Variants in CFAP299 observed in about 807,000 individuals in gnomAD.
The protein encoded by CFAP299 is cilia- and flagella-associated protein 299.
CFAP299 carries 21 observed loss-of-function variants against 27.0 expected under a neutral mutation model. The observed-to-expected ratio is 0.78, with a 90% CI of 0.55 to 1.12. CFAP299 has a LOEUF of 1.12. CFAP299 is among the 50% of genes most tolerant of loss of function. The pLI is 0.00. For synonymous variants in CFAP299, 104 were observed against 98.1 expected (o/e 1.06, Z -0.36); for missense variants, 310 against 276.6 (o/e 1.12, Z -0.86).
intron 2 of CFAP299, among the ~76,000 whole-genome samples, chr4:80,369,142 A>G (rs1011726765): frequency 6.6e-6 from 1 of 152,210 alleles, no homozygotes; most frequent in African/African-American, 2.4e-5. Context: ...AGAAAAGTTG[A>G]GGCCAATCTT....
At chr4:80,817,360 T>C (rs1729473374) in intron 3 of CFAP299, among the ~76,000 whole-genome samples, 1 of 152,064 alleles carries the variant, frequency 6.6e-6, no homozygotes, top group African/African-American at 2.4e-5. Flanking sequence ...TTGTATTTTA[T>C]GTTGTATTAA....
At chr4:80,401,592 A>G (rs1726160555) in intron 2 of CFAP299, among the ~76,000 whole-genome samples, 1 of 152,176 alleles carries the variant, frequency 6.6e-6, no homozygotes, top group Non-Finnish European at 1.5e-5. Flanking sequence ...ATGTATGAAA[A>G]CACCTGAATG....
At position 80,595,448 on chromosome 4, in the gene CFAP299, G is replaced by A. The variant is rs1578649404; in HGVS notation, c.333+12265G>A. On this transcript the variant is annotated intron_variant, in intron 3 of 5. Coordinates refer to ENST00000358105, the MANE Select transcript of CFAP299 (RefSeq NM_152770.3). Reference sequence around the variant, plus strand: ...TTTGTTCTTCCACAAAGTAAGCCCAGTTATGCCTGCTTCCCTTTTATTCAT... The same window carrying A: ...TTTGTTCTTCCACAAAGTAAGCCCAATTATGCCTGCTTCCCTTTTATTCAT... Among the ~76,000 whole-genome samples, 5 of 152,242 alleles carry A rather than the reference G, an allele frequency of 3.3e-5. 2 individuals are homozygous for A.
At chr4:80,427,863 T>A (rs1222532869) in intron 2 of CFAP299, among the ~76,000 whole-genome samples, 4 of 152,240 alleles carry the variant, frequency 2.6e-5, no homozygotes, top group African/African-American at 9.6e-5. Context: ...ATTTAAACTT[T>A]ATTTTTCTTT....
At chr4:80,485,181 C>T (rs1730745201) in intron 2 of CFAP299, among the ~76,000 whole-genome samples, 1 of 151,582 alleles carries the variant, frequency 6.6e-6, no homozygotes, top group African/African-American at 2.4e-5. Context: ...TTGAATCTGA[C>T]CCTAACAGAG....
At chr4:80,794,097 C>T (rs1727719145) in intron 3 of CFAP299, among the ~76,000 whole-genome samples, 1 of 152,174 alleles carries the variant, frequency 6.6e-6, no homozygotes, top group African/African-American at 2.4e-5. Flanking sequence ...TCCTTACCTC[C>T]ATTCTGGAGA....
intron 2 of CFAP299, among the ~76,000 whole-genome samples, chr4:80,469,034 A>G (rs1729853480): frequency 6.6e-6 from 1 of 152,166 alleles, no homozygotes; most frequent in African/African-American, 2.4e-5. Context: ...AAAAAAAGCA[A>G]TCGGCAAAAA....
intron 3 of CFAP299, among the ~76,000 whole-genome samples, chr4:80,852,624 A>G (rs987416148): frequency 6.6e-6 from 1 of 152,228 alleles, no homozygotes; most frequent in East Asian, 1.9e-4. Flanking sequence ...ATTCTATTCA[A>G]GAAAGAACCA....
intron 1 of CFAP299, among the ~76,000 whole-genome samples, chr4:80,355,142 A>G (rs1409845402): frequency 1.3e-5 from 2 of 152,066 alleles, no homozygotes; most frequent in Non-Finnish European, 2.9e-5. Flanking sequence ...TCCCACCAAC[A>G]ATGTATAAGT....
chr4:80,728,117 A>T (rs1373607699), intron 3 of CFAP299, among the ~76,000 whole-genome samples: 1 of 151,568 alleles, frequency 6.6e-6, no homozygotes, highest in East Asian at 1.9e-4. Context: ...TGGGTTGGAA[A>T]AGAAATGATC....
At chr4:80,869,648 G>A (rs994016147) in intron 3 of CFAP299, among the ~76,000 whole-genome samples, 1 of 152,064 alleles carries the variant, frequency 6.6e-6, no homozygotes, top group Non-Finnish European at 1.5e-5. Context: ...CAAGTAGCTG[G>A]GATTATAGGC....
chr4:80,886,998 A>G (rs1734002478), intron 4 of CFAP299, among the ~76,000 whole-genome samples: 1 of 152,134 alleles, frequency 6.6e-6, no homozygotes, highest in Non-Finnish European at 1.5e-5. Context: ...AGTATTAGTA[A>G]GCTTGAAAAT....
intron 3 of CFAP299, among the ~76,000 whole-genome samples, chr4:80,616,088 T>C (rs1738257872): frequency 6.6e-6 from 1 of 152,164 alleles, no homozygotes; most frequent in Non-Finnish European, 1.5e-5. Context: ...CACCTAAAAA[T>C]TTAACAAATA....
At chr4:80,631,041 G>T (rs1739179402) in intron 3 of CFAP299, among the ~76,000 whole-genome samples, 1 of 151,922 alleles carries the variant, frequency 6.6e-6, no homozygotes, top group Non-Finnish European at 1.5e-5. Flanking sequence ...AAATATAGTT[G>T]TTTCCTTTAT....
At chr4:80,657,608 C>CCATG (rs1182257759) in intron 3 of CFAP299, among the ~76,000 whole-genome samples, 1 of 152,044 alleles carries the variant, frequency 6.6e-6, no homozygotes, top group Non-Finnish European at 1.5e-5. Context: ...GGTACCAGTA[C>CCATG]CATGCTGTTT....
At chr4:80,530,729 G>A (rs1733423179) in intron 2 of CFAP299, among the ~76,000 whole-genome samples, 1 of 152,218 alleles carries the variant, frequency 6.6e-6, no homozygotes, top group South Asian at 2.1e-4. Context: ...ATCAGGCAAA[G>A]CTAATTGATA....
intron 3 of CFAP299, among the ~76,000 whole-genome samples, chr4:80,717,149 A>G (rs1157845158): frequency 6.6e-6 from 1 of 152,152 alleles, no homozygotes; most frequent in Non-Finnish European, 1.5e-5. Flanking sequence ...TGTCAGGAAG[A>G]AATATAACCA....
chr4:80,920,040 C>T (rs940212387), intron 4 of CFAP299, among the ~76,000 whole-genome samples: 1 of 152,104 alleles, frequency 6.6e-6, no homozygotes, highest in Non-Finnish European at 1.5e-5. Flanking sequence ...AAGTACTACT[C>T]CTGTATGGTA....
At chr4:80,717,834 A>G (rs939356913) in intron 3 of CFAP299, among the ~76,000 whole-genome samples, 4 of 152,122 alleles carry the variant, frequency 2.6e-5, no homozygotes, top group Non-Finnish European at 4.4e-5. Flanking sequence ...CACTTTTATA[A>G]AATATTAAAT....
Sources: gnomAD v4.1 joint callset for allele counts (sites outside exome capture counted in the v4.1 genomes callset) on GRCh38, gnomAD v4.1.1 for gene constraint, MANE v1.5 for transcripts, NCBI Gene and HGNC (gene_info 2026-07-23, HGNC 2026-07-21) for gene names.